Variants in SPOCK3 observed in about 807,000 individuals in gnomAD.
The protein encoded by SPOCK3 is testican-3.
Under a neutral mutation model 56.6 loss-of-function variants are expected in SPOCK3, and 30 were observed. The ratio of observed to expected loss-of-function variants is 0.53; its 90% CI spans 0.40 to 0.72. SPOCK3 has a LOEUF of 0.72. SPOCK3 is among the 30% of genes least tolerant of loss of function. The pLI, the probability that SPOCK3 is intolerant of heterozygous loss-of-function variation, is 0.00. For missense variants in SPOCK3, 527 were observed against 530.0 expected, an observed-to-expected ratio of 0.99 and a Z score of 0.06; for synonymous variants, 196 against 183.3, an observed-to-expected ratio of 1.07 and a Z score of -0.56.
intron 2 of SPOCK3, among the ~76,000 whole-genome samples, chr4:167,224,748 C>T (rs1047380921): frequency 2.0e-5 from 3 of 152,144 alleles, no homozygotes; most frequent in African/African-American, 7.2e-5. Context: ...CAACCTCTGA[C>T]TCCCTGGTTC....
intron 3 of SPOCK3, among the ~76,000 whole-genome samples, chr4:167,059,458 T>G (rs1272798565): frequency 2.0e-5 from 3 of 151,768 alleles, no homozygotes. Flanking sequence ...TGAGATACCA[T>G]CTCACACCAG....
At chr4:166,768,788 A>C (rs569139359) in intron 7 of SPOCK3, among the ~76,000 whole-genome samples, 11 of 152,318 alleles carry the variant, frequency 7.2e-5, no homozygotes, top group Admixed American at 3.9e-4. Flanking sequence ...GTGTTTTCCA[A>C]CTTGGTTCCA....
chr4:167,060,770 C>A (rs1242605539), intron 3 of SPOCK3, among the ~76,000 whole-genome samples: 1 of 151,936 alleles, frequency 6.6e-6, no homozygotes, highest in African/African-American at 2.4e-5. Flanking sequence ...AGTTAGGAAA[C>A]AGGTTTGGGG....
At chr4:166,770,902 A>G (rs1738851001) in intron 7 of SPOCK3, among the ~76,000 whole-genome samples, 1 of 151,794 alleles carries the variant, frequency 6.6e-6, no homozygotes, top group African/African-American at 2.4e-5. Context: ...TAAAAATCTA[A>G]TTTTCATTGT....
rs3762244 is a variant in SPOCK3, at chr4:166,734,331, A to G, written c.*590T>C. ...TACTTGCCATTTTGTAAAATGTCCT[A>G]TTAGATCCAGAATAATTTCATAGGT... On this transcript the variant is annotated 3_prime_UTR_variant, in exon 11 of 11. Transcript: ENST00000357545. 49,302 of 151,656 alleles carry G rather than the reference A, an allele frequency of 0.33. 8,209 individuals carry two copies. The highest frequency in any genetic ancestry group is 0.41 in the Admixed American group (6,302 of 15,194). The allele number at this position is 151,656 out of a possible 1,614,324, so 9.4% of individuals were successfully genotyped here.
intron 3 of SPOCK3, among the ~76,000 whole-genome samples, chr4:167,017,409 C>T (rs1750730795): frequency 6.6e-6 from 1 of 152,096 alleles, no homozygotes; most frequent in African/African-American, 2.4e-5. Context: ...AACTTGAGAG[C>T]CACTAGGGCT....
intron 4 of SPOCK3, among the ~76,000 whole-genome samples, chr4:166,983,526 T>A (rs1407153226): frequency 6.6e-6 from 1 of 152,070 alleles, no homozygotes; most frequent in Non-Finnish European, 1.5e-5. Context: ...GAAACAAAAT[T>A]ACTTCTAGAT....
chr4:167,206,914 C>A (rs189222890), intron 2 of SPOCK3, among the ~76,000 whole-genome samples: 15 of 151,998 alleles, frequency 9.9e-5, no homozygotes, highest in Admixed American at 9.2e-4. Flanking sequence ...TTCTAGTGTT[C>A]TATAGCACTG....
chr4:166,786,123 G>A (rs1740703676), intron 7 of SPOCK3, among the ~76,000 whole-genome samples: 1 of 151,834 alleles, frequency 6.6e-6, no homozygotes, highest in Non-Finnish European at 1.5e-5. Flanking sequence ...ATTTTAGATG[G>A]GGTGGAAGGG....
At chr4:167,212,763 A>G (rs558378810) in intron 2 of SPOCK3, among the ~76,000 whole-genome samples, 6 of 152,306 alleles carry the variant, frequency 3.9e-5, no homozygotes, top group South Asian at 2.1e-4. Context: ...ATTCAATTCA[A>G]AATACATTTA....
intron 6 of SPOCK3, among the ~76,000 whole-genome samples, chr4:166,877,945 C>A (rs1733267004): frequency 2.6e-5 from 4 of 152,098 alleles, no homozygotes; most frequent in Admixed American, 2.6e-4. Context: ...TATCATCCTG[C>A]ATCACCTTGG....
intron 7 of SPOCK3, among the ~76,000 whole-genome samples, chr4:166,774,853 CA>C (rs1482678220): frequency 6.6e-6 from 1 of 152,158 alleles, no homozygotes; most frequent in Non-Finnish European, 1.5e-5. Context: ...ACCTTCTTCA[CA>C]AATTCTGTTG....
At chr4:167,228,014 T>C (rs1214329589) in intron 2 of SPOCK3, among the ~76,000 whole-genome samples, 3 of 152,122 alleles carry the variant, frequency 2.0e-5, no homozygotes, top group East Asian at 1.9e-4. Context: ...TCTCAAGTTA[T>C]AAGATGCAGA....
chr4:167,142,620 T>C (rs1763628548), intron 2 of SPOCK3, among the ~76,000 whole-genome samples: 1 of 151,986 alleles, frequency 6.6e-6, no homozygotes, highest in Non-Finnish European at 1.5e-5. Context: ...AATCACACCT[T>C]CTGTTGACCT....
At chr4:166,859,240 C>T (rs1273657614) in intron 6 of SPOCK3, among the ~76,000 whole-genome samples, 4 of 152,074 alleles carry the variant, frequency 2.6e-5, no homozygotes, top group Non-Finnish European at 4.4e-5. Context: ...GAAGAAATCA[C>T]GTCCTGACCC....
intron 4 of SPOCK3, among the ~76,000 whole-genome samples, chr4:166,944,874 A>G (rs1741529443): frequency 6.6e-6 from 1 of 152,194 alleles, no homozygotes; most frequent in Non-Finnish European, 1.5e-5. Context: ...CTATGTAAAT[A>G]TCCCATTTCT....
intron 2 of SPOCK3, among the ~76,000 whole-genome samples, chr4:167,136,671 A>G (rs1242145813): frequency 6.6e-6 from 1 of 152,150 alleles, no homozygotes; most frequent in Non-Finnish European, 1.5e-5. Context: ...GAGGACCTAA[A>G]TTACAAGAAA....
Position 167,091,340 on chromosome 4 carries a change from A to C in SPOCK3, c.190-28803T>G, listed in dbSNP as rs181741432. ...ATTATTATTTCATAATGAACTGTTC[A>C]ATATATGTAGGATCAGAGATTTTGA... On this transcript the variant is annotated intron_variant, in intron 2 of 10. Transcript: ENST00000357545. 2.0e-3 allele frequency among the ~76,000 whole-genome samples: 298 copies of C among 152,326 alleles called. 1 individual carries two copies. Among genetic ancestry groups the C allele is most frequent in the African/African-American group, 6.7e-3 (280 of 41,576 alleles).
chr4:166,878,538 A>G (rs1166487958), intron 6 of SPOCK3, among the ~76,000 whole-genome samples: 2 of 151,900 alleles, frequency 1.3e-5, no homozygotes, highest in East Asian at 3.9e-4. Flanking sequence ...TTTTAAATGT[A>G]TAAAAAATCT....
Sources: allele counts gnomAD v4.1 joint callset (sites outside exome capture counted in the v4.1 genomes callset), GRCh38; gene constraint gnomAD v4.1.1; transcripts MANE v1.5; gene names NCBI Gene and HGNC (gene_info 2026-07-23, HGNC 2026-07-21).